The following ARHGAP6 variants were observed in gnomAD, a reference collection of about 807,000 sequenced individuals.
ARHGAP6 encodes rho GTPase-activating protein 6.
A neutral mutation model predicts 55.7 loss-of-function variants in ARHGAP6; 16 were observed. That is an observed-to-expected ratio of 0.29 (90% CI 0.19 to 0.44). The LOEUF (loss-of-function observed/expected upper bound fraction) is 0.44, where lower values mean the gene tolerates loss of function less well. Among genes scored for constraint, ARHGAP6 ranks in the 20% least tolerant of loss-of-function variants. The pLI, the probability that ARHGAP6 is intolerant of heterozygous loss-of-function variation, is 1.00. For synonymous variants in ARHGAP6, 382 were observed against 360.9 expected, an observed-to-expected ratio of 1.06 and a Z score of -0.66; for missense variants, 698 against 808.9, an observed-to-expected ratio of 0.86 and a Z score of 1.66.
chrX:11,603,507 T>G (rs918156522), intron 1 of ARHGAP6, among the ~76,000 whole-genome samples: 4 of 111,759 alleles, frequency 3.6e-5, no homozygotes, highest in African/African-American at 9.8e-5. Flanking sequence ...ATCTCATTTG[T>G]GTATATGCAT....
chrX:11,551,952 T>A (rs1002051272), intron 1 of ARHGAP6, among the ~76,000 whole-genome samples: 6 of 111,856 alleles, frequency 5.4e-5, no homozygotes. Context: ...GCCACTCAGT[T>A]TGTGCTGCTT....
chrX:11,157,399 T>G (rs928144479), intron 9 of ARHGAP6, among the ~76,000 whole-genome samples: 1 of 112,243 alleles, frequency 8.9e-6, no homozygotes, highest in Admixed American at 9.5e-5. Context: ...GATGAAAAGT[T>G]TCTCACTTTG....
intron 8 of ARHGAP6, among the ~76,000 whole-genome samples, chrX:11,176,617 G>A (rs972467681): frequency 9.2e-6 from 1 of 109,225 alleles, no homozygotes; most frequent in African/African-American, 3.3e-5. Flanking sequence ...CTTAAGAAAT[G>A]TCAGAGAAGT....
chrX:11,232,579 G>A (rs745556792), intron 2 of ARHGAP6, among the ~76,000 whole-genome samples: 1 of 111,836 alleles, frequency 8.9e-6, no homozygotes, highest in Admixed American at 9.5e-5. Context: ...GTTACAGTGA[G>A]CCAAGATCAT....
chrX:11,482,486 T>A (rs775970813), intron 1 of ARHGAP6, among the ~76,000 whole-genome samples: 9 of 111,297 alleles, frequency 8.1e-5, no homozygotes, highest in Non-Finnish European at 1.7e-4. Context: ...CCTGAGATGT[T>A]GACCTCTCAG....
chrX:11,608,274 G>A (rs936301954), intron 1 of ARHGAP6, among the ~76,000 whole-genome samples: 5 of 111,659 alleles, frequency 4.5e-5, no homozygotes, highest in Admixed American at 9.5e-5. Context: ...GAAAATGATG[G>A]TTCTGGTACA....
intron 1 of ARHGAP6, chrX:11,351,413 C>T (rs1177633020): frequency 1.0e-6 from 1 of 967,846 alleles, no homozygotes; most frequent in East Asian, 7.6e-5. Context: ...GAACAGTCGA[C>T]CCAAGTGAGC....
In ARHGAP6 at chrX:11,138,943, C is replaced by T. The variant is rs1346413708; in HGVS notation, c.2845G>A (p.Asp949Asn). The change falls in exon 13 of 13, where the codon GAC becomes AAC. Residue 949 changes from aspartate (D) to asparagine (N), a missense_variant. Coordinates refer to ENST00000337414, the MANE Select transcript of ARHGAP6 (RefSeq NM_013427.3). ...ATCTGCCAGCGCTCTCTCTGCCAGT[C>T]GAGCCAGCCAGCGTCCCCCAGGCGC... Reference protein sequence around the residue: ...SPRLGDAGWLDWQRERWQIWE... With the variant: ...SPRLGDAGWLNWQRERWQIWE... 1.7e-6 allele frequency: 2 copies of T among 1,193,815 alleles called. No individual in the cohort carries two copies. Among genetic ancestry groups the T allele is most frequent in the Non-Finnish European group, 2.2e-6 (2 of 888,957 alleles).
At chrX:11,162,110 A>G (rs1048406607) in intron 9 of ARHGAP6, among the ~76,000 whole-genome samples, 1 of 111,687 alleles carries the variant, frequency 9.0e-6, no homozygotes, top group Non-Finnish European at 1.9e-5. Flanking sequence ...CTAGGGCAAG[A>G]TCACGTATGC....
At chrX:11,390,030 G>C (rs954343027) in intron 1 of ARHGAP6, among the ~76,000 whole-genome samples, 1 of 111,833 alleles carries the variant, frequency 8.9e-6, no homozygotes, top group Non-Finnish European at 1.9e-5. Context: ...GTATTGCCTA[G>C]CTTTTCTTCT....
chrX:11,324,245 T>C (rs1213576948), intron 1 of ARHGAP6, among the ~76,000 whole-genome samples: 1 of 111,806 alleles, frequency 8.9e-6, no homozygotes, highest in Non-Finnish European at 1.9e-5. Flanking sequence ...CCCAGTACCA[T>C]CCTGAAGACA....
intron 1 of ARHGAP6, among the ~76,000 whole-genome samples, chrX:11,322,316 C>T (rs908161899): frequency 9.0e-6 from 1 of 110,540 alleles, no homozygotes; most frequent in African/African-American, 3.3e-5. Context: ...GCAAATGTGT[C>T]CTGGGGGGAG....
At chrX:11,468,329 AC>A (rs1477137189) in intron 1 of ARHGAP6, among the ~76,000 whole-genome samples, 2 of 112,329 alleles carry the variant, frequency 1.8e-5, no homozygotes, top group East Asian at 5.6e-4. Flanking sequence ...TGAATCAGTA[AC>A]CTGGATGATA....
intron 1 of ARHGAP6, chrX:11,298,600 T>A (rs941495381): frequency 8.3e-7 from 1 of 1,207,860 alleles, no homozygotes; most frequent in African/African-American, 1.8e-5. Flanking sequence ...CACCAAATCA[T>A]CCCCGTGCTG....
intron 2 of ARHGAP6, among the ~76,000 whole-genome samples, chrX:11,197,215 T>C (rs1396069458): frequency 8.9e-6 from 1 of 111,807 alleles, no homozygotes; most frequent in Non-Finnish European, 1.9e-5. Flanking sequence ...CTTTCAGTCA[T>C]GGAATGATAG....
chrX:11,307,353 G>A (rs1282876399), intron 1 of ARHGAP6, among the ~76,000 whole-genome samples: 1 of 110,831 alleles, frequency 9.0e-6, no homozygotes, highest in Non-Finnish European at 1.9e-5. Flanking sequence ...TCTCTACCTG[G>A]CATCTAATGC....
chrX:11,608,283 C>T (rs1229199186), intron 1 of ARHGAP6, among the ~76,000 whole-genome samples: 1 of 111,732 alleles, frequency 8.9e-6, no homozygotes, highest in Non-Finnish European at 1.9e-5. Context: ...GGTTCTGGTA[C>T]ATTTTAGTGT....
At chrX:11,660,972 C>T (rs2147209487) in intron 1 of ARHGAP6, among the ~76,000 whole-genome samples, 1 of 111,840 alleles carries the variant, frequency 8.9e-6, no homozygotes, top group East Asian at 2.8e-4. Context: ...CCTGTCCCCT[C>T]ATTAGACTAT....
chrX:11,382,084 G>A (rs1244712758), intron 1 of ARHGAP6, among the ~76,000 whole-genome samples: 12 of 111,583 alleles, frequency 1.1e-4, no homozygotes, highest in Non-Finnish European at 1.9e-4. Context: ...TGTTGGTTGT[G>A]GTAGTGATGG....
Sources: allele counts gnomAD v4.1 joint callset (sites outside exome capture counted in the v4.1 genomes callset), GRCh38; gene constraint gnomAD v4.1.1; transcripts MANE v1.5; gene names NCBI Gene and HGNC (gene_info 2026-07-23, HGNC 2026-07-21).